Variants in UNC45B observed in about 807,000 individuals in gnomAD.
The protein encoded by UNC45B is unc-45 myosin chaperone B, also known as protein unc-45 homolog B.
Under a neutral mutation model 98.7 loss-of-function variants are expected in UNC45B, and 78 were observed. That is an observed-to-expected ratio of 0.79 (90% CI 0.66 to 0.95). UNC45B has a LOEUF of 0.95. Ranked by LOEUF, UNC45B falls within the 40% of genes least tolerant of loss-of-function variation. The pLI is 0.00. For synonymous variants in UNC45B, 462 were observed against 480.4 expected (o/e 0.96, Z 0.50); for missense variants, 1,225 against 1,184.9 (o/e 1.03, Z -0.50).
chr17:35,175,832 C>T (rs1285563706), intron 14 of UNC45B, 136 bp from the exon 15 acceptor site: 7 of 743,052 alleles, frequency 9.4e-6, no homozygotes, highest in Non-Finnish European at 1.6e-5. Flanking sequence ...GGGGCACAGG[C>T]ACACAAGTGG....
At chr17:35,172,973 A>G (rs2092198629) in intron 13 of UNC45B, among the ~76,000 whole-genome samples, 1 of 152,220 alleles carries the variant, frequency 6.6e-6, no homozygotes, top group Non-Finnish European at 1.5e-5. Flanking sequence ...GCAAGGAAGA[A>G]GAGAGGAGAG....
At chr17:35,155,118 G>T (rs1451963550) in intron 6 of UNC45B, among the ~76,000 whole-genome samples, 178 bp from the exon 7 acceptor site, 2 of 152,224 alleles carry the variant, frequency 1.3e-5, no homozygotes, top group African/African-American at 4.8e-5. Flanking sequence ...CCAGAGATGG[G>T]CATGGCTTGT....
rs778765079 is a variant in UNC45B at position 35,164,159 on chromosome 17, T to C, written c.1144T>C (p.Tyr382His). 1.9e-6 allele frequency: 3 copies of C among 1,608,856 alleles called. No individual in the cohort carries two copies. Residue 382 changes from tyrosine (Y) to histidine (H), a missense_variant, in exon 9 of 20, where the codon TAT becomes CAT. Coordinates refer to ENST00000394570, the MANE Select transcript of UNC45B (RefSeq NM_001267052.2). The stretch of plus-strand genomic sequence containing the variant: ...TCACTTCCGCAAGATCTGTGAGGAA[T>C]ATATCACGTAAGTTTCCTGGAGGCC... ...RDHFRKICEEYITGKFDPQDM... is the reference protein window; with the variant it reads ...RDHFRKICEEHITGKFDPQDM...
chr17:35,177,423 G>A (rs908618991), intron 16 of UNC45B, 72 bp from the exon 17 acceptor site: 19 of 1,079,804 alleles, frequency 1.8e-5, no homozygotes, highest in Non-Finnish European at 2.6e-5. Context: ...TTTACAGCTG[G>A]TCACCTATAA....
intron 7 of UNC45B, among the ~76,000 whole-genome samples, chr17:35,157,455 G>A (rs2092071957): frequency 6.6e-6 from 1 of 152,096 alleles, no homozygotes; most frequent in African/African-American, 2.4e-5. Context: ...GCCCGCCTCT[G>A]CCTCCCAAAG....
intron 9 of UNC45B, among the ~76,000 whole-genome samples, chr17:35,167,615 C>CA (rs79485102): frequency 0.026 from 3,087 of 119,066 alleles, 57 homozygotes; most frequent in African/African-American, 0.067. Context: ...GACTCAGTCT[C>CA]AAAAAAAAAA....
chr17:35,163,693 G>C (rs1046205996), intron 8 of UNC45B, among the ~76,000 whole-genome samples: 1 of 152,132 alleles, frequency 6.6e-6, no homozygotes, highest in Non-Finnish European at 1.5e-5. Flanking sequence ...ATTTGGAGAA[G>C]ACTATACATC....
intron 4 of UNC45B, chr17:35,151,097 C>T: frequency 5.2e-6 from 1 of 192,086 alleles, no homozygotes. Context: ...TGTATTTTTC[C>T]GTACGCCACA....
intron 17 of UNC45B, 82 bp from the exon 18 acceptor site, chr17:35,180,477 A>G: frequency 9.4e-7 from 1 of 1,061,202 alleles, no homozygotes; most frequent in Admixed American, 2.0e-5. Context: ...AGAATGGAAG[A>G]ATGGTCCCTG....
intron 18 of UNC45B, among the ~76,000 whole-genome samples, chr17:35,180,991 G>A (rs975485802): frequency 6.6e-6 from 1 of 152,094 alleles, no homozygotes; most frequent in African/African-American, 2.4e-5. Flanking sequence ...CAGGATATGA[G>A]ACCAGGGCCT....
chr17:35,162,179 G>T (rs2092106873), intron 8 of UNC45B, among the ~76,000 whole-genome samples: 1 of 152,178 alleles, frequency 6.6e-6, no homozygotes, highest in African/African-American at 2.4e-5. Context: ...GAGGGAGAGG[G>T]TCATGGGAAT....
Position 35,183,558 on chromosome 17 carries a change from A to G in UNC45B, c.2505A>G (p.Lys835=), listed in dbSNP as rs1415686573. The change falls in exon 19 of 20, where the codon AAA becomes AAG. Residue 835 remains lysine, a synonymous_variant. Transcript: ENST00000394570. Reference sequence around the variant, plus strand: ...CCATGCTGACAGCAGCACACAAGAAACTGTGCCTCAAGATGACTCAAGTGG... The same window carrying G: ...CCATGCTGACAGCAGCACACAAGAAGCTGTGCCTCAAGATGACTCAAGTGG... ...ALAMLTAAHK[K]LCLKMTQVTT... is the part of the protein sequence containing the mutation. 2 of 1,579,642 alleles carry G rather than the reference A, an allele frequency of 1.3e-6. No individual in the cohort carries two copies. The highest frequency in any genetic ancestry group is 1.7e-6 in the Non-Finnish European group (2 of 1,163,092).
intron 17 of UNC45B, among the ~76,000 whole-genome samples, chr17:35,179,341 A>C (rs138415080): frequency 0.017 from 2,592 of 152,262 alleles, 81 homozygotes; most frequent in African/African-American, 0.059. Context: ...TTCACTCATG[A>C]TTTGGCTCTC....
intron 13 of UNC45B, among the ~76,000 whole-genome samples, chr17:35,172,260 TA>T (rs781273455): frequency 7.2e-5 from 11 of 152,208 alleles, no homozygotes; most frequent in Non-Finnish European, 1.3e-4. Context: ...TTTATTTATT[TA>T]TTTTTTGAGA....
intron 8 of UNC45B, among the ~76,000 whole-genome samples, chr17:35,159,996 C>T (rs138847545): frequency 3.3e-5 from 5 of 152,288 alleles, no homozygotes; most frequent in Non-Finnish European, 5.9e-5. Flanking sequence ...GCCAAGATTA[C>T]GGACATGCCC....
At chr17:35,185,472 T>A (rs889254852) in intron 19 of UNC45B, among the ~76,000 whole-genome samples, 1 of 151,964 alleles carries the variant, frequency 6.6e-6, no homozygotes, top group South Asian at 2.1e-4. Flanking sequence ...CATGCCTGGC[T>A]AATTTTTGTA....
intron 13 of UNC45B, 111 bp downstream of exon 13, chr17:35,171,573 G>A (rs2092187440): frequency 1.5e-6 from 2 of 1,368,660 alleles, no homozygotes; most frequent in African/African-American, 2.9e-5. Context: ...TGTTTGGGTG[G>A]TTGGGGGTAA....
At chr17:35,175,529 G>A (rs551510023) in intron 14 of UNC45B, among the ~76,000 whole-genome samples, 1 of 152,152 alleles carries the variant, frequency 6.6e-6, no homozygotes, top group Non-Finnish European at 1.5e-5. Context: ...AGAGAGAATA[G>A]CATCTGCAAA....
chr17:35,154,776 G>C (rs748491740), intron 6 of UNC45B, 35 bp downstream of exon 6: 2 of 1,534,232 alleles, frequency 1.3e-6, no homozygotes, highest in Non-Finnish European at 1.7e-6. Flanking sequence ...TGGAGCAGAC[G>C]ACTGCTGGTC....
Sources: gnomAD v4.1 joint callset for allele counts (sites outside exome capture counted in the v4.1 genomes callset) on GRCh38, gnomAD v4.1.1 for gene constraint, MANE v1.5 for transcripts, NCBI Gene and HGNC (gene_info 2026-07-23, HGNC 2026-07-21) for gene names.